NTMT2: variants seen among roughly 807,000 people sequenced by gnomAD.
The protein encoded by NTMT2 is X-Pro-Lys N-terminal protein methyltransferase 1B.
A neutral mutation model predicts 23.4 loss-of-function variants in NTMT2; 21 were observed. The observed-to-expected ratio is 0.90, with a 90% CI of 0.64 to 1.29. NTMT2 has a LOEUF of 1.29. Ranked by LOEUF, NTMT2 falls within the 50% of genes most tolerant of loss-of-function variation. NTMT2 has a pLI of 0.00. For missense variants in NTMT2, 336 were observed against 352.0 expected (o/e 0.95, Z 0.36); for synonymous variants, 131 against 127.7 (o/e 1.03, Z -0.17).
rs1472566447 is a variant in NTMT2, at chr1:170,160,552, T to C, written c.189T>C (p.Asn63=). The C allele has an allele frequency of 3.9e-6, 6 of 1,547,252 alleles. No individual in the cohort carries two copies. The highest frequency in any genetic ancestry group is 5.2e-6 in the Non-Finnish European group (6 of 1,145,890). Residue 63 remains asparagine (N), a synonymous_variant, in exon 2 of 4, where the codon AAT becomes AAC. Coordinates refer to ENST00000439373, the MANE Select transcript of NTMT2 (RefSeq NM_001136107.2). ...KLYALTSQVI[N]GEMQFYARAK... ...ACGCTTTAACAAGCCAAGTCATCAA[T>C]GGTGAGATGCAGTTCTATGCCAGAG...
intron 1 of NTMT2, among the ~76,000 whole-genome samples, chr1:170,158,797 G>T (rs1673213054): frequency 6.6e-6 from 1 of 151,778 alleles, no homozygotes; most frequent in African/African-American, 2.4e-5. Context: ...GTATCTTAAA[G>T]ATTTGGTCAT....
intron 1 of NTMT2, among the ~76,000 whole-genome samples, chr1:170,149,508 T>A (rs1673026438): frequency 6.6e-6 from 1 of 152,220 alleles, no homozygotes; most frequent in South Asian, 2.1e-4. Context: ...ACTCGCCTAT[T>A]TTTTCCTCTT....
intron 1 of NTMT2, among the ~76,000 whole-genome samples, chr1:170,153,855 T>A (rs1263562667): frequency 6.6e-6 from 1 of 152,066 alleles, no homozygotes; most frequent in African/African-American, 2.4e-5. Flanking sequence ...GCTAGAGAGA[T>A]TTGCATGACT....
intron 1 of NTMT2, among the ~76,000 whole-genome samples, chr1:170,156,942 TG>T (rs1673175514): frequency 6.6e-6 from 1 of 152,088 alleles, no homozygotes; most frequent in South Asian, 2.1e-4. Context: ...TGATGATGAG[TG>T]TGGCTGCTTT....
At chr1:170,163,938 A>T (rs963216420) in intron 2 of NTMT2, among the ~76,000 whole-genome samples, 1 of 152,164 alleles carries the variant, frequency 6.6e-6, no homozygotes, top group African/African-American at 2.4e-5. Context: ...GCTGGCCAAC[A>T]TGGTAAAACC....
chr1:170,166,594 T>G lies in NTMT2; in HGVS notation c.423T>G (p.Ser141Arg), dbSNP rs780268516. 1 of 1,552,172 alleles carries G rather than the reference T, an allele frequency of 6.4e-7. No homozygotes were observed. Among genetic ancestry groups the G allele is most frequent in the Non-Finnish European group, 8.7e-7 (1 of 1,147,082 alleles). Residue 141 changes from serine (S) to arginine (R), a missense_variant, in exon 3 of 4, where the codon AGT (serine) becomes AGG (arginine). Physicochemically the swap from Ser to Arg is moderately radical, Grantham distance 110. Transcript: ENST00000439373. ...ACGTCTTATTGCCTGTTTTCAACAG[T>G]GTGGAGCTGGTGGATATGATGGAAT... is the stretch of plus-strand genomic sequence containing the variant. ...SKHVLLPVFN[S>R]VELVDMMESF...
intron 1 of NTMT2, chr1:170,151,371 G>A (rs1392228939): frequency 6.5e-6 from 1 of 154,018 alleles, no homozygotes; most frequent in African/African-American, 2.4e-5. Context: ...CAGTCTCTGA[G>A]GAGGAAATTA....
chr1:170,149,604 C>G (rs1247755116), intron 1 of NTMT2, among the ~76,000 whole-genome samples: 1 of 152,148 alleles, frequency 6.6e-6, no homozygotes, highest in African/African-American at 2.4e-5. Flanking sequence ...TGGCCTCTTA[C>G]TAATAATTAA....
At chr1:170,150,907 C>A (rs1234372783) in intron 1 of NTMT2, among the ~76,000 whole-genome samples, 3 of 152,136 alleles carry the variant, frequency 2.0e-5, no homozygotes, top group African/African-American at 7.2e-5. Flanking sequence ...GTTGGGACAA[C>A]ATCTCCATGT....
chr1:170,166,710 C>T lies in NTMT2; in HGVS notation c.539C>T (p.Pro180Leu), dbSNP rs966175028. Residue 180 changes from proline (P) to leucine (L), a missense_variant, in exon 3 of 4, where the codon CCC becomes CTC. Coordinates refer to ENST00000439373, the MANE Select transcript of NTMT2 (RefSeq NM_001136107.2). ...TACAGCCTGCAGGAATTCACACCCC[C>T]CTTCAGGAGATATGATGTCATCTGG... ...HCYSLQEFTP[P>L]FRRYDVIWIQ... 15 of 1,552,200 alleles carry T rather than the reference C, an allele frequency of 9.7e-6. No homozygotes were observed. The highest frequency in any genetic ancestry group is 9.6e-5 in the African/African-American group (7 of 73,010).
At chr1:170,154,803 C>T (rs1256678616) in intron 1 of NTMT2, among the ~76,000 whole-genome samples, 1 of 152,080 alleles carries the variant, frequency 6.6e-6, no homozygotes, top group Non-Finnish European at 1.5e-5. Flanking sequence ...GTGAGAAGGA[C>T]AAGAGATTTG....
intron 2 of NTMT2, among the ~76,000 whole-genome samples, chr1:170,162,658 G>C (rs975685422): frequency 5.3e-5 from 8 of 152,190 alleles, no homozygotes; most frequent in Non-Finnish European, 1.0e-4. Flanking sequence ...ATTCTTGGAG[G>C]TAAGTGCTAT....
chr1:170,152,419 G>A (rs933432572), intron 1 of NTMT2, among the ~76,000 whole-genome samples: 1 of 152,182 alleles, frequency 6.6e-6, no homozygotes, highest in South Asian at 2.1e-4. Context: ...CACTCAGCGA[G>A]TAGGTAGGGG....
chr1:170,158,563 T>A (rs1199978898), intron 1 of NTMT2, among the ~76,000 whole-genome samples: 1 of 152,000 alleles, frequency 6.6e-6, no homozygotes, highest in Non-Finnish European at 1.5e-5. Flanking sequence ...TAAAAAAAAA[T>A]CTATGCATCT....
intron 2 of NTMT2, among the ~76,000 whole-genome samples, chr1:170,160,980 A>C (rs369176173): frequency 6.6e-6 from 1 of 152,344 alleles, no homozygotes; most frequent in African/African-American, 2.4e-5. Flanking sequence ...AAAATTTGGG[A>C]ATAAAGAAGA....
intron 1 of NTMT2, 77 bp downstream of exon 1, chr1:170,146,338 G>T (rs1672964509): frequency 2.2e-6 from 3 of 1,366,230 alleles, no homozygotes; most frequent in African/African-American, 1.5e-5. Context: ...GCTTCTAGAA[G>T]AGAATTTAAA....
At chr1:170,157,191 G>A (rs1368602252) in intron 1 of NTMT2, among the ~76,000 whole-genome samples, 1 of 152,136 alleles carries the variant, frequency 6.6e-6, no homozygotes, top group East Asian at 1.9e-4. Context: ...AGGGAAGGGA[G>A]ATTGGTGTTG....
At chr1:170,167,423 A>C in intron 3 of NTMT2, 63 bp from the exon 4 acceptor site, 1 of 1,393,928 alleles carries the variant, frequency 7.2e-7, no homozygotes, top group Non-Finnish European at 9.7e-7. Context: ...GTTCTTCCCT[A>C]CTCACCTTCC....
At chr1:170,149,774 C>T (rs1458482184) in intron 1 of NTMT2, among the ~76,000 whole-genome samples, 3 of 152,172 alleles carry the variant, frequency 2.0e-5, no homozygotes, top group Admixed American at 1.3e-4. Context: ...TAGTCCTCCT[C>T]AGTAAATATT....
Sources: gnomAD v4.1 joint callset for allele counts (sites outside exome capture counted in the v4.1 genomes callset) on GRCh38, gnomAD v4.1.1 for gene constraint, MANE v1.5 for transcripts, NCBI Gene and HGNC (gene_info 2026-07-23, HGNC 2026-07-21) for gene names.